The following LINGO1 variants were observed in gnomAD, a reference collection of about 807,000 sequenced individuals.
The protein encoded by LINGO1 is leucine-rich repeat and immunoglobulin-like domain-containing nogo receptor-interacting protein 1.
Under a neutral mutation model 37.3 loss-of-function variants are expected in LINGO1, and 11 were observed. That is an observed-to-expected ratio of 0.29 (90% CI 0.19 to 0.49). The LOEUF is 0.49. Among genes scored for constraint, LINGO1 ranks in the 20% least tolerant of loss-of-function variants. The probability of loss-of-function intolerance (pLI) is 0.99; values close to 1 mark genes in which losing one functional copy is unlikely to be tolerated. For missense variants in LINGO1, 585 were observed against 878.2 expected, an observed-to-expected ratio of 0.67 and a Z score of 4.22; for synonymous variants, 387 against 403.0, an observed-to-expected ratio of 0.96 and a Z score of 0.48.
At chr15:77,724,404 C>T (rs1286885883) in intron 2 of LINGO1, among the ~76,000 whole-genome samples, 2 of 152,182 alleles carry the variant, frequency 1.3e-5, no homozygotes, top group Non-Finnish European at 2.9e-5. Context: ...TCTGCAAACG[C>T]GGGGACTTAT....
At chr15:77,766,315 A>AAC (rs1555539959) in intron 1 of LINGO1, among the ~76,000 whole-genome samples, 11 of 146,332 alleles carry the variant, frequency 7.5e-5, no homozygotes, top group Non-Finnish European at 1.2e-4. Flanking sequence ...AAAAAAAAAA[A>AAC]AACACACAAA....
chr15:77,672,381 T>C (rs2075266090), intron 3 of LINGO1, among the ~76,000 whole-genome samples: 1 of 152,066 alleles, frequency 6.6e-6, no homozygotes, highest in Non-Finnish European at 1.5e-5. Flanking sequence ...TAACTGATAA[T>C]TAAGATGTTA....
At chr15:77,689,106 G>C (rs2075559593) in intron 2 of LINGO1, among the ~76,000 whole-genome samples, 1 of 152,208 alleles carries the variant, frequency 6.6e-6, no homozygotes, top group Non-Finnish European at 1.5e-5. Context: ...GAGTGAGGAA[G>C]GGCATAATAG....
intron 1 of LINGO1, among the ~76,000 whole-genome samples, chr15:77,757,318 G>A (rs2076430463): frequency 6.6e-6 from 1 of 152,242 alleles, no homozygotes; most frequent in Non-Finnish European, 1.5e-5. Context: ...CCCAGAACAA[G>A]AGTGGCCAAG....
intron 2 of LINGO1, among the ~76,000 whole-genome samples, chr15:77,709,082 C>T (rs545530429): frequency 5.9e-5 from 9 of 152,326 alleles, no homozygotes; most frequent in Admixed American, 2.0e-4. Context: ...AGAGAGAGCA[C>T]GGCCCTGCAC....
chr15:77,764,229 C>A (rs2076505355), intron 1 of LINGO1, among the ~76,000 whole-genome samples: 1 of 152,198 alleles, frequency 6.6e-6, no homozygotes, highest in African/African-American at 2.4e-5. Context: ...CTTCCAAGGG[C>A]AAATTAGGAC....
intron 2 of LINGO1, among the ~76,000 whole-genome samples, chr15:77,795,167 GC>G (rs2076862918): frequency 6.6e-6 from 1 of 152,172 alleles, no homozygotes; most frequent in Non-Finnish European, 1.5e-5. Flanking sequence ...CAGAGGATTG[GC>G]CCAGATATGG....
chr15:77,629,841 A>T (rs1010859517), intron 1 of LINGO1, among the ~76,000 whole-genome samples: 1 of 152,146 alleles, frequency 6.6e-6, no homozygotes, highest in Admixed American at 6.5e-5. Flanking sequence ...CTGGTACAAT[A>T]TTCAGTGCAA....
intron 2 of LINGO1, among the ~76,000 whole-genome samples, chr15:77,731,040 C>T (rs1354081813): frequency 1.3e-5 from 2 of 152,172 alleles, no homozygotes; most frequent in Non-Finnish European, 1.5e-5. Flanking sequence ...CCTTGGATAA[C>T]GGGAGAATGA....
intron 3 of LINGO1, among the ~76,000 whole-genome samples, chr15:77,675,859 G>A (rs1003113190): frequency 5.3e-5 from 8 of 152,186 alleles, no homozygotes; most frequent in Admixed American, 3.3e-4. Flanking sequence ...TCCATAACCC[G>A]TCACTGCCTC....
At chr15:77,699,495 CT>C (rs2075743578), upstream of LINGO1, among the ~76,000 whole-genome samples, 1 of 10,470 alleles carries the variant, frequency 9.6e-5, no homozygotes, top group Non-Finnish European at 2.0e-4. Flanking sequence ...TAACCATCAT[CT>C]CCACACACAA....
At chr15:77,669,810 C>G (rs2075215946) in intron 3 of LINGO1, among the ~76,000 whole-genome samples, 1 of 152,240 alleles carries the variant, frequency 6.6e-6, no homozygotes, top group Non-Finnish European at 1.5e-5. Context: ...ATGCCCCTGT[C>G]TAATGCCTTT....
chr15:77,623,830 CTGTGTGTGTGTGTGTGAGTGGCCTG>C (rs2073998877), intron 1 of LINGO1, among the ~76,000 whole-genome samples: 1 of 149,998 alleles, frequency 6.7e-6, no homozygotes, highest in African/African-American at 2.4e-5. Context: ...CCCGGGGTGT[CTGTGTGTGTGTGTGTGAGTGGCCTG>C]TGTGTGTGTG....
intron 1 of LINGO1, among the ~76,000 whole-genome samples, chr15:77,818,894 G>A (rs2077071064): frequency 6.7e-6 from 1 of 149,524 alleles, no homozygotes; most frequent in Non-Finnish European, 1.5e-5. Context: ...CCGCGCCCCC[G>A]CCCCACTCCC....
chr15:77,629,619 A>G (rs144064439), intron 1 of LINGO1, among the ~76,000 whole-genome samples: 2 of 152,302 alleles, frequency 1.3e-5, no homozygotes, highest in African/African-American at 4.8e-5. Flanking sequence ...GACATCATCT[A>G]GCTCTGTGCA....
intron 2 of LINGO1, among the ~76,000 whole-genome samples, chr15:77,683,420 C>T (rs4078063): frequency 3.3e-5 from 5 of 152,022 alleles, no homozygotes; most frequent in African/African-American, 1.2e-4. Flanking sequence ...GGATGCTCCC[C>T]GAAGCATTAT....
At chr15:77,644,735 T>C (rs921415881) in intron 3 of LINGO1, among the ~76,000 whole-genome samples, 4 of 152,172 alleles carry the variant, frequency 2.6e-5, no homozygotes, top group Non-Finnish European at 4.4e-5. Context: ...CAGAAGTGGC[T>C]GCTGTGCCCA....
Position 77,615,006 on chromosome 15 carries a change from T to C in LINGO1, c.901A>G (p.Thr301Ala). Residue 301 changes from threonine to alanine, a missense_variant, in exon 2 of 2, where the codon ACC becomes GCC. By Grantham distance (58) the Thr-to-Ala change is moderately conservative. Around this residue, in one of 4 missense-constraint regions of LINGO1, gnomAD observed 484 missense variants for 735.0 expected, o/e 0.66. Coordinates refer to ENST00000355300, the MANE Select transcript of LINGO1 (RefSeq NM_032808.7). ...FLNLSYNPIS[T>A]IEGSMLHELL... ...TCATGCAACATGGAGCCCTCAATGG[T>C]GCTGATGGGGTTGTAGGAGAGGTTG... 1 of 1,613,850 alleles carries C rather than the reference T, an allele frequency of 6.2e-7. No individual in the cohort carries two copies. The highest frequency in any genetic ancestry group is 8.5e-7 in the Non-Finnish European group (1 of 1,179,868).
At chr15:77,687,265 A>G (rs2075527594) in intron 2 of LINGO1, among the ~76,000 whole-genome samples, 1 of 152,170 alleles carries the variant, frequency 6.6e-6, no homozygotes, top group Non-Finnish European at 1.5e-5. Context: ...TCAGTGCGCA[A>G]CTGAGGTCAG....
Sources: allele counts gnomAD v4.1 joint callset (sites outside exome capture counted in the v4.1 genomes callset), GRCh38; gene constraint gnomAD v4.1.1; regional missense constraint gnomAD v4.1.1; transcripts MANE v1.5; gene names NCBI Gene and HGNC (gene_info 2026-07-23, HGNC 2026-07-21).